Variants in BCL2L14 observed in about 807,000 individuals in gnomAD.
BCL2L14 encodes BCL2 like 14, also known as apoptosis facilitator Bcl-2-like protein 14.
A neutral mutation model predicts 35.3 loss-of-function variants in BCL2L14; 27 were observed. That is an observed-to-expected ratio of 0.76 (90% CI 0.56 to 1.05). The LOEUF is 1.05. Among genes scored for constraint, BCL2L14 ranks in the 50% least tolerant of loss-of-function variants. BCL2L14 has a pLI of 0.00. For missense variants in BCL2L14, 377 were observed against 382.6 expected, an observed-to-expected ratio of 0.99 and a Z score of 0.12; for synonymous variants, 139 against 145.9, an observed-to-expected ratio of 0.95 and a Z score of 0.34.
At chr12:12,050,814 GA>G (rs764719291) in intron 1 of BCL2L14, among the ~76,000 whole-genome samples, 16 of 111,508 alleles carry the variant, frequency 1.4e-4, no homozygotes, top group African/African-American at 5.1e-4. Flanking sequence ...AAAAAAAAAA[GA>G]AAAGAAAAGA....
chr12:12,084,057 T>C (rs908295155), intron 2 of BCL2L14, among the ~76,000 whole-genome samples: 1 of 152,208 alleles, frequency 6.6e-6, no homozygotes, highest in African/African-American at 2.4e-5. Flanking sequence ...CAGGCAAGAA[T>C]AAAAAGGAAG....
At chr12:12,061,528 G>GCA (rs1491418264) in intron 2 of BCL2L14, among the ~76,000 whole-genome samples, 238 of 151,658 alleles carry the variant, frequency 1.6e-3, no homozygotes, top group African/African-American at 5.4e-3. Context: ...CAGGATCTAT[G>GCA]CCTTATCAAC....
At chr12:12,065,535 CAAAA>C (rs138173926) in intron 2 of BCL2L14, among the ~76,000 whole-genome samples, 5 of 126,724 alleles carry the variant, frequency 3.9e-5, no homozygotes, top group Non-Finnish European at 1.7e-5. Context: ...GACTCCATCT[CAAAA>C]AAAAAAAAAA....
intron 2 of BCL2L14, among the ~76,000 whole-genome samples, chr12:12,057,957 T>G (rs1591802607): frequency 6.6e-6 from 1 of 150,486 alleles, no homozygotes; most frequent in South Asian, 2.1e-4. Context: ...CTTTTTTTTT[T>G]TTTTTTTTTG....
At chr12:12,050,818 AG>A (rs1481989323) in intron 1 of BCL2L14, among the ~76,000 whole-genome samples, 88 of 131,958 alleles carry the variant, frequency 6.7e-4, no homozygotes, top group Non-Finnish European at 1.3e-3. Context: ...AAAAAAGAAA[AG>A]AAAAGAAAAG....
chr12:12,072,320 T>G (rs1948684455), intron 1 of BCL2L14: 1 of 152,272 alleles, frequency 6.6e-6, no homozygotes, highest in South Asian at 2.1e-4. Flanking sequence ...ACCTGGAATG[T>G]AGGTGTTCGT....
intron 3 of BCL2L14, among the ~76,000 whole-genome samples, 159 bp downstream of exon 3, chr12:12,087,545 C>A (rs1396791335): frequency 6.6e-6 from 1 of 152,218 alleles, no homozygotes; most frequent in Non-Finnish European, 1.5e-5. Flanking sequence ...GCTTGAGACA[C>A]CAGCCCAAGG....
chr12:12,057,596 A>G (rs1948451696), intron 2 of BCL2L14, among the ~76,000 whole-genome samples: 1 of 152,072 alleles, frequency 6.6e-6, no homozygotes, highest in Non-Finnish European at 1.5e-5. Flanking sequence ...CTTCTCTACT[A>G]AAAATACAAA....
intron 2 of BCL2L14, among the ~76,000 whole-genome samples, chr12:12,058,043 G>T (rs1948459236): frequency 6.7e-6 from 1 of 149,908 alleles, no homozygotes; most frequent in Admixed American, 6.6e-5. Flanking sequence ...CCCCTCCTGT[G>T]TTCAAGCAAT....
intron 2 of BCL2L14, among the ~76,000 whole-genome samples, chr12:12,061,369 G>A (rs1340236791): frequency 6.6e-6 from 1 of 151,498 alleles, no homozygotes; most frequent in Non-Finnish European, 1.5e-5. Flanking sequence ...TCCGCTCAAT[G>A]CCAAGATCCC....
chr12:12,050,510 G>A (rs1948335990), intron 1 of BCL2L14, among the ~76,000 whole-genome samples: 1 of 150,534 alleles, frequency 6.6e-6, no homozygotes, highest in South Asian at 2.1e-4. Context: ...GATCCTAAGA[G>A]CAAAATGCCA....
intron 2 of BCL2L14, among the ~76,000 whole-genome samples, chr12:12,084,376 C>T (rs1258094975): frequency 6.6e-6 from 1 of 152,158 alleles, no homozygotes; most frequent in Admixed American, 6.5e-5. Flanking sequence ...TTCATTGCTG[C>T]CCCTCACATT....
chr12:12,057,029 G>A (rs1948443251), intron 2 of BCL2L14, among the ~76,000 whole-genome samples: 1 of 151,008 alleles, frequency 6.6e-6, no homozygotes, highest in African/African-American at 2.4e-5. Flanking sequence ...AGAACATGTG[G>A]CAAATATTTT....
intron 2 of BCL2L14, among the ~76,000 whole-genome samples, chr12:12,056,501 T>C (rs1298609903): frequency 6.6e-6 from 1 of 152,208 alleles, no homozygotes; most frequent in Non-Finnish European, 1.5e-5. Flanking sequence ...TATTGTTACC[T>C]GTGTTATCTG....
intron 2 of BCL2L14, among the ~76,000 whole-genome samples, chr12:12,084,997 T>C (rs1379438377): frequency 7.0e-6 from 1 of 143,704 alleles, no homozygotes; most frequent in African/African-American, 2.6e-5. Context: ...GCAGAGAGAA[T>C]GGCTTGAACC....
At chr12:12,057,140 A>G (rs1948445177) in intron 2 of BCL2L14, among the ~76,000 whole-genome samples, 1 of 152,256 alleles carries the variant, frequency 6.6e-6, no homozygotes, top group Admixed American at 6.5e-5. Flanking sequence ...ATACCGAAAT[A>G]AATTTACAAA....
At chr12:12,057,195 C>T (rs557898881) in intron 2 of BCL2L14, among the ~76,000 whole-genome samples, 1 of 152,244 alleles carries the variant, frequency 6.6e-6, no homozygotes, top group African/African-American at 2.4e-5. Flanking sequence ...GGACAATAAA[C>T]AAAGGCATTC....
intron 4 of BCL2L14, among the ~76,000 whole-genome samples, chr12:12,094,230 G>T (rs1949261401): frequency 6.6e-6 from 1 of 152,170 alleles, no homozygotes; most frequent in Non-Finnish European, 1.5e-5. Context: ...CTAAGTAAGA[G>T]GTGGACCCAG....
intron 1 of BCL2L14, chr12:12,072,339 G>A (rs928280747): frequency 5.9e-5 from 9 of 152,314 alleles, no homozygotes; most frequent in Non-Finnish European, 1.2e-4. Context: ...GTTGCAGTGT[G>A]GCCTTCCCAG....
Sources: gnomAD v4.1 joint callset for allele counts (sites outside exome capture counted in the v4.1 genomes callset) on GRCh38, gnomAD v4.1.1 for gene constraint, MANE v1.5 for transcripts, NCBI Gene and HGNC (gene_info 2026-07-23, HGNC 2026-07-21) for gene names.